Variants in ATAD5 observed in about 807,000 individuals in gnomAD.
The protein encoded by ATAD5 is ATPase family AAA domain-containing protein 5.
Under a neutral mutation model 176.9 loss-of-function variants are expected in ATAD5, and 58 were observed. That is an observed-to-expected ratio of 0.33 (90% CI 0.27 to 0.41). ATAD5 has a LOEUF of 0.41. Among genes scored for constraint, ATAD5 ranks in the 10% least tolerant of loss-of-function variants. The pLI, the probability that ATAD5 is intolerant of heterozygous loss-of-function variation, is 1.00. For synonymous variants in ATAD5, 640 were observed against 712.6 expected (o/e 0.90, Z 1.62); for missense variants, 1,789 against 2,094.1 (o/e 0.85, Z 2.84).
intron 3 of ATAD5, among the ~76,000 whole-genome samples, chr17:30,839,786 G>A (rs1905988253): frequency 6.7e-6 from 1 of 149,884 alleles, no homozygotes; most frequent in Non-Finnish European, 1.5e-5. Flanking sequence ...GTTTCGCCAT[G>A]TTGACCCAGG....
Position 30,840,816 on chromosome 17 carries a change from C to G in ATAD5, c.2241+35C>G, listed in dbSNP as rs779373959. Reference sequence around the variant, plus strand: ...ATAAATATCTGTTGGTATAAATTCTCTCCTATTTTGCTGTTTGGAGTGGGA... The same window carrying G: ...ATAAATATCTGTTGGTATAAATTCTGTCCTATTTTGCTGTTTGGAGTGGGA... On this transcript the variant is annotated intron_variant, in intron 4 of 22. Transcript: ENST00000321990. 3 of 1,564,894 alleles carry G rather than the reference C, an allele frequency of 1.9e-6. No homozygotes were observed. In the Admixed American group the frequency reaches 6.1e-5, roughly 32 times the overall value.
At chr17:30,892,293 C>T (rs1051833795) in intron 19 of ATAD5, among the ~76,000 whole-genome samples, 2 of 151,608 alleles carry the variant, frequency 1.3e-5, no homozygotes, top group South Asian at 2.1e-4. Context: ...GGTGTGGTAG[C>T]GCGTGCCTGT....
chr17:30,868,967 C>A (rs1417223430), intron 12 of ATAD5, among the ~76,000 whole-genome samples: 1 of 150,464 alleles, frequency 6.6e-6, no homozygotes, highest in African/African-American at 2.4e-5. Flanking sequence ...CTACCGAGTA[C>A]CTGGGACTAC....
At chr17:30,850,135 G>A (rs112896807) in intron 6 of ATAD5, among the ~76,000 whole-genome samples, 4,260 of 151,452 alleles carry the variant, frequency 0.028, 205 homozygotes, top group African/African-American at 0.098. Flanking sequence ...AGCAAGATGC[G>A]GTCGCTAAAA....
intron 6 of ATAD5, among the ~76,000 whole-genome samples, chr17:30,851,486 A>C (rs779640873): frequency 4.2e-5 from 6 of 143,920 alleles, no homozygotes; most frequent in Non-Finnish European, 9.1e-5. Flanking sequence ...ACAGAGCAAG[A>C]CTCTGTCTCA....
chr17:30,840,195 T>TAAA (rs55696194), intron 3 of ATAD5, among the ~76,000 whole-genome samples: 154 of 105,788 alleles, frequency 1.5e-3, no homozygotes, highest in Non-Finnish European at 1.9e-3. Flanking sequence ...TAGACTCTGT[T>TAAA]AAAAAAAAAA....
chr17:30,892,814 G>T, intron 20 of ATAD5, 26 bp downstream of exon 20: 1 of 1,482,618 alleles, frequency 6.7e-7, no homozygotes. Flanking sequence ...GTTTTGCAAT[G>T]TTGAATTTAT....
intron 17 of ATAD5, 89 bp downstream of exon 17, chr17:30,878,185 T>C (rs1291753874): frequency 4.6e-6 from 4 of 861,780 alleles, no homozygotes; most frequent in Non-Finnish European, 7.3e-6. Flanking sequence ...AACTCACAAA[T>C]AGCAATTACT....
intron 18 of ATAD5, among the ~76,000 whole-genome samples, chr17:30,883,355 G>A (rs898245250): frequency 6.6e-6 from 1 of 151,928 alleles, no homozygotes; most frequent in African/African-American, 2.4e-5. Flanking sequence ...CTGAATTCCT[G>A]AGCTCAAGTA....
chr17:30,875,663 GGT>G (rs1360060463), intron 14 of ATAD5, among the ~76,000 whole-genome samples: 1 of 151,858 alleles, frequency 6.6e-6, no homozygotes, highest in Non-Finnish European at 1.5e-5. Flanking sequence ...CAGGCGTGGT[GGT>G]GTGCTCCTGT....
rs1213451901 is a variant in ATAD5, at chr17:30,895,812, T to G, written c.*899T>G. On this transcript the variant is annotated 3_prime_UTR_variant, in exon 23 of 23. Transcript: ENST00000321990. ...TTCAATTTACTTTTTCTTGTATTAA[T>G]TAGTATATTGATCTAATTAAAGGTT... The G allele has an allele frequency of 6.6e-6, 1 of 152,184 alleles. No homozygotes were observed. Among genetic ancestry groups the G allele is most frequent in the Non-Finnish European group, 1.5e-5 (1 of 68,032 alleles). 9.4% of individuals were successfully genotyped at this position (152,184 alleles called of 1,614,324 possible). A position where few individuals can be genotyped will look rare whatever the true frequency, so the allele number is the denominator to read the frequency against.
intron 6 of ATAD5, 68 bp downstream of exon 6, chr17:30,844,984 T>C: frequency 7.5e-7 from 1 of 1,324,680 alleles, no homozygotes; most frequent in Non-Finnish European, 1.0e-6. Flanking sequence ...ATGTGTTTAC[T>C]TTGATGAGAA....
chr17:30,854,822 G>A (rs1226792812), intron 6 of ATAD5, among the ~76,000 whole-genome samples: 2 of 151,984 alleles, frequency 1.3e-5, no homozygotes, highest in Admixed American at 6.6e-5. Flanking sequence ...ACAGTGGCGC[G>A]ATCCTGACTC....
At chr17:30,871,227 T>G (rs1908317898) in intron 14 of ATAD5, among the ~76,000 whole-genome samples, 1 of 150,520 alleles carries the variant, frequency 6.6e-6, no homozygotes, top group Non-Finnish European at 1.5e-5. Flanking sequence ...ATTTGGGTCC[T>G]TTTTATATCT....
At chr17:30,844,461 T>C (rs1347958866) in intron 5 of ATAD5, among the ~76,000 whole-genome samples, 2 of 152,082 alleles carry the variant, frequency 1.3e-5, no homozygotes, top group Non-Finnish European at 2.9e-5. Flanking sequence ...TGAACGTGCT[T>C]ATGATTGAAA....
At position 30,835,492 on chromosome 17, in the gene ATAD5, C is replaced by T. The variant is rs1905668685; in HGVS notation, c.1411C>T (p.Leu471=). Residue 471 remains leucine, a synonymous_variant, in exon 2 of 23, where the codon CTG becomes TTG. Transcript: ENST00000321990. ...GTTACACACTGATAAAGGAAGTTTT[C>T]TGAAGGAGAAAAATAAAAAGCTAAA... is the stretch of plus-strand genomic sequence containing the variant. The part of the protein sequence containing the change: ...LQLHTDKGSF[L]KEKNKKLKKK... 6.2e-7 allele frequency: 1 copy of T among 1,607,276 alleles called. No homozygotes were observed. The highest frequency in any genetic ancestry group is 8.5e-7 in the Non-Finnish European group (1 of 1,178,538).
chr17:30,877,955 CTG>C, intron 16 of ATAD5, 46 bp from the exon 17 acceptor site: 1 of 1,266,608 alleles, frequency 7.9e-7, no homozygotes, highest in South Asian at 1.3e-5. Context: ...GTATACATAA[CTG>C]ATATTAGTAA....
intron 10 of ATAD5, chr17:30,861,797 C>G (rs1907651101): frequency 6.6e-6 from 1 of 151,946 alleles, no homozygotes; most frequent in Admixed American, 6.6e-5. Context: ...CAGGCATGAG[C>G]CACTGCACCC....
chr17:30,869,151 A>C, intron 12 of ATAD5, 97 bp from the exon 13 acceptor site: 2 of 1,381,966 alleles, frequency 1.4e-6, no homozygotes, highest in Non-Finnish European at 2.0e-6. Flanking sequence ...TTCAGCATCT[A>C]TTGCAAGAAG....
Sources: allele counts gnomAD v4.1 joint callset (sites outside exome capture counted in the v4.1 genomes callset), GRCh38; gene constraint gnomAD v4.1.1; transcripts MANE v1.5; gene names NCBI Gene and HGNC (gene_info 2026-07-23, HGNC 2026-07-21).